Variants in THRAP3 observed in about 807,000 individuals in gnomAD.
THRAP3 encodes thyroid hormone receptor-associated protein 3.
A neutral mutation model predicts 101.0 loss-of-function variants in THRAP3; 16 were observed. The observed-to-expected ratio is 0.16, with a 90% CI of 0.11 to 0.24. The LOEUF (loss-of-function observed/expected upper bound fraction) is 0.24, where lower values mean the gene tolerates loss of function less well. Among genes scored for constraint, THRAP3 ranks in the 10% least tolerant of loss-of-function variants. The probability of loss-of-function intolerance (pLI) is 1.00; values close to 1 mark genes in which losing one functional copy is unlikely to be tolerated. For synonymous variants in THRAP3, 407 were observed against 422.6 expected, an observed-to-expected ratio of 0.96 and a Z score of 0.45; for missense variants, 989 against 1,202.7, an observed-to-expected ratio of 0.82 and a Z score of 2.63.
upstream of THRAP3, among the ~76,000 whole-genome samples, chr1:36,219,486 G>T (rs1313195429): frequency 6.6e-6 from 1 of 152,076 alleles, no homozygotes. Flanking sequence ...GTGCAGTGGA[G>T]CAATCTCGGC....
intron 1 of THRAP3, among the ~76,000 whole-genome samples, chr1:36,251,000 G>A (rs1053688131): frequency 1.3e-5 from 2 of 152,010 alleles, no homozygotes; most frequent in Admixed American, 1.3e-4. Context: ...GCCCACCTTG[G>A]CCTTCCAAAG....
At position 36,274,204 on chromosome 1, in the gene THRAP3, G is replaced by A. The variant is rs570628392; in HGVS notation, c.-31-8329G>A. Among the ~76,000 whole-genome samples the A allele has an allele frequency of 2.2e-4, 34 of 152,206 alleles. 1 individual carries two copies. Among genetic ancestry groups the A allele is most frequent in the Non-Finnish European group, 4.3e-4 (29 of 68,030 alleles). On this transcript the variant is annotated intron_variant, in intron 2 of 11. Coordinates refer to ENST00000354618, the MANE Select transcript of THRAP3 (RefSeq NM_005119.4). ...TCAATCGTAAGTAATTTCATTTGCA[G>A]TAGCAACAAAATAATATATTTAGGA...
chr1:36,269,378 G>A (rs6699219), intron 2 of THRAP3, among the ~76,000 whole-genome samples: 4,870 of 152,042 alleles, frequency 0.032, 252 homozygotes, highest in African/African-American at 0.11. Flanking sequence ...CTCCCCTCTC[G>A]TGATACTTTT....
intron 6 of THRAP3, 47 bp from the exon 7 acceptor site, chr1:36,292,551 T>G: frequency 6.7e-7 from 1 of 1,492,156 alleles, no homozygotes; most frequent in South Asian, 1.2e-5. Context: ...ATTATAGGCT[T>G]GAGCCACCAT....
intron 8 of THRAP3, among the ~76,000 whole-genome samples, chr1:36,295,964 T>TC (rs1645944961): frequency 2.2e-5 from 1 of 46,448 alleles, no homozygotes; most frequent in East Asian, 2.9e-4. Flanking sequence ...CTTTTTTTTT[T>TC]TTTTTTTTTT....
intron 1 of THRAP3, among the ~76,000 whole-genome samples, chr1:36,256,986 G>A (rs538962812): frequency 7.9e-5 from 12 of 152,154 alleles, no homozygotes; most frequent in East Asian, 1.9e-4. Flanking sequence ...TAGTAAAGAC[G>A]GGGTTTCTCC....
In THRAP3 at chr1:36,300,910, G is replaced by A. The variant is rs769036355; in HGVS notation, c.2328G>A (p.Arg776=). The A allele has an allele frequency of 2.5e-6, 4 of 1,613,534 alleles. No homozygotes were observed. In the South Asian group the frequency reaches 3.3e-5, roughly 13 times the overall value. Residue 776 remains arginine, a synonymous_variant, in exon 10 of 12, where the codon AGG becomes AGA. Coordinates refer to ENST00000354618, the MANE Select transcript of THRAP3 (RefSeq NM_005119.4). ...KQKKHRRARD[R]SRSSSSSSQS... Reference sequence around the variant, plus strand: ...GGAAGCATCGGAGAGCAAGAGACAGGTCCAGATCCTCCTCCTCTTCCTCCC... The same window carrying A: ...GGAAGCATCGGAGAGCAAGAGACAGATCCAGATCCTCCTCCTCTTCCTCCC...
intron 7 of THRAP3, among the ~76,000 whole-genome samples, chr1:36,293,020 TTTC>T (rs1285440404): frequency 1.0e-5 from 1 of 96,434 alleles, no homozygotes; most frequent in Non-Finnish European, 2.1e-5. Context: ...GCTAGTTTCT[TTTC>T]TTGTCTTTTT....
chr1:36,279,609 T>A (rs1645706203), intron 2 of THRAP3, among the ~76,000 whole-genome samples: 1 of 152,192 alleles, frequency 6.6e-6, no homozygotes, highest in African/African-American at 2.4e-5. Context: ...GTGATCTTTT[T>A]GGCAGGATTA....
intron 9 of THRAP3, among the ~76,000 whole-genome samples, chr1:36,298,986 G>T (rs1372611135): frequency 6.6e-6 from 1 of 152,090 alleles, no homozygotes; most frequent in Non-Finnish European, 1.5e-5. Flanking sequence ...TAGAGTTGAG[G>T]TTTTGCCATG....
At chr1:36,241,213 T>G (rs1433897839) in intron 1 of THRAP3, among the ~76,000 whole-genome samples, 1 of 149,972 alleles carries the variant, frequency 6.7e-6, no homozygotes, top group Admixed American at 6.7e-5. Context: ...AAAAAAAGAT[T>G]TTTACTTTTC....
chr1:36,220,806 T>G (rs1644898837), upstream of THRAP3, among the ~76,000 whole-genome samples: 1 of 150,912 alleles, frequency 6.6e-6, no homozygotes, highest in Non-Finnish European at 1.5e-5. Context: ...ACACAAAAAA[T>G]TATCTGGGTG....
intron 2 of THRAP3, among the ~76,000 whole-genome samples, chr1:36,269,791 C>G (rs1430433723): frequency 3.3e-5 from 5 of 151,928 alleles, no homozygotes; most frequent in Non-Finnish European, 7.4e-5. Flanking sequence ...GTTGCCCAGG[C>G]TGATTCGACA....
intron 2 of THRAP3, among the ~76,000 whole-genome samples, chr1:36,261,490 G>A (rs1180733631): frequency 1.3e-5 from 2 of 152,150 alleles, no homozygotes; most frequent in East Asian, 1.9e-4. Context: ...CTGAGATCGC[G>A]CCATTGCAAT....
intron 1 of THRAP3, among the ~76,000 whole-genome samples, chr1:36,252,288 G>T (rs1400533341): frequency 6.6e-6 from 1 of 152,086 alleles, no homozygotes; most frequent in Non-Finnish European, 1.5e-5. Context: ...ACCATGCCCC[G>T]CTAATTGTGT....
At position 36,289,686 on chromosome 1, in the gene THRAP3, C is replaced by T. The variant is rs1645841272; in HGVS notation, c.1667C>T (p.Thr556Ile). 6.2e-7 allele frequency: 1 copy of T among 1,614,160 alleles called. No homozygotes were observed. Among genetic ancestry groups the T allele is most frequent in the East Asian group, 2.2e-5 (1 of 44,890 alleles). ...DKLGAKGDFP[T>I]GKSSFSITRE... ...CTGGGAGCGAAAGGAGATTTTCCCA[C>T]AGGAAAGTCTTCCTTTTCCATTACT... The change falls in exon 5 of 12, where the codon ACA becomes ATA. Residue 556 changes from threonine to isoleucine, a missense_variant. Coordinates refer to ENST00000354618, the MANE Select transcript of THRAP3 (RefSeq NM_005119.4).
At chr1:36,291,674 C>G (rs925076288) in intron 6 of THRAP3, 128 bp downstream of exon 6, 1 of 1,003,068 alleles carries the variant, frequency 1.0e-6, no homozygotes, top group Non-Finnish European at 1.4e-6. Context: ...TAGGGGCTGG[C>G]TTGAAGGAAA....
chr1:36,242,266 C>T (rs1357664692), intron 1 of THRAP3: 1 of 152,276 alleles, frequency 6.6e-6, no homozygotes, highest in Non-Finnish European at 1.5e-5. Context: ...ATCCTCCTGC[C>T]TCAGCCTCCA....
intron 5 of THRAP3, 40 bp from the exon 6 acceptor site, chr1:36,291,319 AATGTTCTTCCTGTGT>A (rs1645865261): frequency 6.5e-7 from 1 of 1,533,966 alleles, no homozygotes; most frequent in Admixed American, 2.0e-5. Flanking sequence ...TTATGGTTTT[AATGTTCTTCCTGTGT>A]ATTGTGTTCT....
Sources: allele counts gnomAD v4.1 joint callset (sites outside exome capture counted in the v4.1 genomes callset), GRCh38; gene constraint gnomAD v4.1.1; transcripts MANE v1.5; gene names NCBI Gene and HGNC (gene_info 2026-07-23, HGNC 2026-07-21).